Variants in NRG1 observed in about 807,000 individuals in gnomAD.
NRG1 encodes neuregulin 1, also known as pro-neuregulin-1, membrane-bound isoform.
In NRG1, 18 loss-of-function variants were observed where a neutral mutation model predicts 63.8. The ratio of observed to expected loss-of-function variants is 0.28; its 90% CI spans 0.19 to 0.42. The LOEUF (loss-of-function observed/expected upper bound fraction) is 0.42, where lower values mean the gene tolerates loss of function less well. Ranked by LOEUF, NRG1 falls within the 10% of genes least tolerant of loss-of-function variation. The pLI, the probability that NRG1 is intolerant of heterozygous loss-of-function variation, is 1.00. For synonymous variants in NRG1, 302 were observed against 301.3 expected (o/e 1.00, Z -0.02); for missense variants, 762 against 814.7 (o/e 0.94, Z 0.79).
At chr8:31,860,320 A>T (rs1422707985) in intron 1 of NRG1, among the ~76,000 whole-genome samples, 5 of 152,212 alleles carry the variant, frequency 3.3e-5, no homozygotes, top group African/African-American at 9.6e-5. Context: ...AATACTCATA[A>T]TGCTGAAGAC....
At chr8:32,306,701 T>C (rs1856225535) in intron 1 of NRG1, among the ~76,000 whole-genome samples, 1 of 152,248 alleles carries the variant, frequency 6.6e-6, no homozygotes, top group African/African-American at 2.4e-5. Flanking sequence ...ACGAGGTTAC[T>C]TTTTCCAGTA....
chr8:31,661,314 T>C (rs1165998438), intron 1 of NRG1, among the ~76,000 whole-genome samples: 2 of 152,194 alleles, frequency 1.3e-5, no homozygotes, highest in African/African-American at 4.8e-5. Context: ...ATGAAGGTAA[T>C]TAAAATTCCT....
At chr8:32,520,432 T>G (rs112283211) in intron 1 of NRG1, among the ~76,000 whole-genome samples, 1 of 152,188 alleles carries the variant, frequency 6.6e-6, no homozygotes, top group Non-Finnish European at 1.5e-5. Flanking sequence ...GAGCTGGGAT[T>G]ACAGGCATGA....
intron 1 of NRG1, among the ~76,000 whole-genome samples, chr8:32,171,676 C>A (rs1455656469): frequency 6.6e-6 from 1 of 152,148 alleles, no homozygotes; most frequent in Non-Finnish European, 1.5e-5. Flanking sequence ...AAGGTCTTAG[C>A]AAACGGCACA....
rs183730862 is a variant in NRG1, at chr8:32,643,546, C to G, written c.502+26661C>G. Among the ~76,000 whole-genome samples the G allele has an allele frequency of 3.9e-5, 6 of 152,270 alleles. No homozygotes were observed. In the South Asian group the frequency reaches 8.3e-4, roughly 21 times the overall value. On this transcript the variant is annotated intron_variant, in intron 5 of 11. Transcript: ENST00000356819. ...AACGTTTCCACCTAGTTGCACCTCA[C>G]CTGCAGCACCAGCTGACGTCAAATG...
intron 1 of NRG1, among the ~76,000 whole-genome samples, chr8:32,317,577 C>G (rs1185686404): frequency 6.6e-6 from 1 of 152,156 alleles, no homozygotes; most frequent in Non-Finnish European, 1.5e-5. Context: ...GTGTTTATTT[C>G]TATTATCCAG....
chr8:31,908,248 A>G (rs1463159546), intron 1 of NRG1, among the ~76,000 whole-genome samples: 2 of 152,252 alleles, frequency 1.3e-5, no homozygotes, highest in Admixed American at 6.5e-5. Context: ...TTAGGCCCAT[A>G]TAAATTCCTA....
rs989383742 is a variant in NRG1, at chr8:32,175,789, C to T, written c.38-420039C>T. On this transcript the variant is annotated intron_variant, in intron 1 of 10. Transcript: ENST00000519301. ...CCAACTTACAAGGGATGTGAAGGAC[C>T]TCTTCAAGGAGAATTACAAACCACT... Among the ~76,000 whole-genome samples, 7 of 152,200 alleles carry T rather than the reference C, an allele frequency of 4.6e-5. No individual in the cohort carries two copies. The South Asian group carries it at 1.5e-3, about 32-fold the overall frequency.
chr8:32,695,059 G>T (rs748978352), intron 5 of NRG1, among the ~76,000 whole-genome samples: 12 of 152,088 alleles, frequency 7.9e-5, no homozygotes, highest in Non-Finnish European at 1.6e-4. Context: ...TTGTGAACTC[G>T]AAAATTACTA....
At chr8:32,533,792 T>C (rs1831691976) in intron 1 of NRG1, among the ~76,000 whole-genome samples, 1 of 152,192 alleles carries the variant, frequency 6.6e-6, no homozygotes, top group African/African-American at 2.4e-5. Flanking sequence ...AAAGAACTTA[T>C]CACATGTTTA....
At chr8:32,690,426 T>G (rs1811290487) in intron 5 of NRG1, among the ~76,000 whole-genome samples, 1 of 152,110 alleles carries the variant, frequency 6.6e-6, no homozygotes, top group Non-Finnish European at 1.5e-5. Context: ...CCTACTGTAT[T>G]GCAAATTTAT....
Position 32,709,626 on chromosome 8 carries a change from GC to G in NRG1, c.503-18320del, listed in dbSNP as rs1299402922. On this transcript the variant is annotated intron_variant, in intron 5 of 11. Transcript: ENST00000356819. The stretch of plus-strand genomic sequence containing the variant: ...AGATGGGGTCTGGTACTACTATGTT[GC>G]CCAGGCTGGTCTCGAACTCCTAGGC... 3.9e-5 allele frequency among the ~76,000 whole-genome samples: 6 copies of G among 151,944 alleles called. No individual in the cohort carries two copies. The East Asian group carries it at 1.2e-3, about 29-fold the overall frequency.
At chr8:32,431,155 G>A (rs1299743375) in intron 1 of NRG1, among the ~76,000 whole-genome samples, 1 of 152,252 alleles carries the variant, frequency 6.6e-6, no homozygotes, top group Non-Finnish European at 1.5e-5. Flanking sequence ...GCAGAGTTGG[G>A]ATTTAAGCCC....
At chr8:31,972,404 G>GT (rs1807444582) in intron 1 of NRG1, among the ~76,000 whole-genome samples, 1 of 152,114 alleles carries the variant, frequency 6.6e-6, no homozygotes, top group South Asian at 2.1e-4. Context: ...TATGTCGACA[G>GT]GAATCTACTT....
chr8:32,113,181 G>T (rs371207828), intron 1 of NRG1, among the ~76,000 whole-genome samples: 2 of 152,266 alleles, frequency 1.3e-5, no homozygotes, highest in African/African-American at 4.8e-5. Context: ...CTCAGAGAGT[G>T]GATCCCTGAA....
intron 1 of NRG1, among the ~76,000 whole-genome samples, chr8:32,219,398 G>A (rs1055503802): frequency 6.6e-6 from 1 of 152,086 alleles, no homozygotes; most frequent in African/African-American, 2.4e-5. Context: ...TAACAAAGCC[G>A]TTTCAAAATC....
At chr8:31,821,069 A>G (rs193256918) in intron 1 of NRG1, among the ~76,000 whole-genome samples, 1 of 152,344 alleles carries the variant, frequency 6.6e-6, no homozygotes, top group East Asian at 1.9e-4. Context: ...TATATTAGAT[A>G]TAATGCATAA....
rs1318274937 is a variant in NRG1, at chr8:32,616,822, T to C, written c.452-13T>C. On this transcript the variant is annotated splice_polypyrimidine_tract_variant and intron_variant, in intron 4 of 11. Coordinates refer to ENST00000356819, the Ensembl canonical transcript of NRG1. ...GACTCAATAAAGCCTCATTCCACTTTTATGTTTTATAGAGTCTCCCATTAG... is the reference window on the plus strand; with the variant it reads ...GACTCAATAAAGCCTCATTCCACTTCTATGTTTTATAGAGTCTCCCATTAG... The C allele has an allele frequency of 6.2e-7, 1 of 1,601,574 alleles. No individual in the cohort carries two copies. Among genetic ancestry groups the C allele is most frequent in the Non-Finnish European group, 8.6e-7 (1 of 1,168,938 alleles).
intron 1 of NRG1, among the ~76,000 whole-genome samples, chr8:32,463,871 ATTCTTTTTTTTTTTTTTTTT>A (rs1563498834): frequency 1.7e-4 from 14 of 80,500 alleles, no homozygotes; most frequent in African/African-American, 6.0e-4. Flanking sequence ...AAAACTTAGA[ATTCTTTTTTTTTTTTTTTTT>A]TTTTTTTTTT....
Sources: allele counts gnomAD v4.1 joint callset (sites outside exome capture counted in the v4.1 genomes callset), GRCh38; gene constraint gnomAD v4.1.1; transcripts MANE v1.5; gene names NCBI Gene and HGNC (gene_info 2026-07-23, HGNC 2026-07-21).